Variants in TMEM179B observed in about 807,000 individuals in gnomAD.
TMEM179B encodes transmembrane protein 179B.
A neutral mutation model predicts 18.0 loss-of-function variants in TMEM179B; 13 were observed. The observed-to-expected ratio is 0.72, with a 90% CI of 0.47 to 1.15. TMEM179B has a LOEUF of 1.15. Among genes scored for constraint, TMEM179B ranks in the 50% most tolerant of loss-of-function variants. TMEM179B has a pLI of 0.00. For synonymous variants in TMEM179B, 159 were observed against 117.5 expected, an observed-to-expected ratio of 1.35 and a Z score of -2.29; for missense variants, 320 against 270.6, an observed-to-expected ratio of 1.18 and a Z score of -1.28.
rs2084342339 is a variant in TMEM179B, at chr11:62,790,146, C to CAA, written c.*99_*100insAA. On this transcript the variant is annotated 3_prime_UTR_variant, in exon 5 of 5. Coordinates refer to ENST00000333449, the MANE Select transcript of TMEM179B (RefSeq NM_199337.3). Reference sequence around the variant, plus strand: ...GTTTATGTTGGGAGTCTTAGTTTTCCTTTCGTTGGGGGGTGGGGGGGAAAC... The same window carrying CAA: ...GTTTATGTTGGGAGTCTTAGTTTTCCAATTTCGTTGGGGGGTGGGGGGGAAAC... 8.6e-7 allele frequency: 1 copy of CAA among 1,160,094 alleles called. No homozygotes were observed. The highest frequency in any genetic ancestry group is 3.2e-5 in the Admixed American group (1 of 30,994). The allele number at this position is 1,160,094 out of a possible 1,614,324, so 71.9% of individuals were successfully genotyped here.
rs116023645 is a variant in TMEM179B, at chr11:62,787,601, C to G, written c.96+74C>G. ...GACATGGCGAGGCCACTTTCGCTTT[C>G]CGACCGGGCTTGCTGCTGCTCGGAG... On this transcript the variant is annotated intron_variant, in intron 1 of 4. Coordinates refer to ENST00000333449, the MANE Select transcript of TMEM179B (RefSeq NM_199337.3). 60 of 1,437,096 alleles carry G rather than the reference C, an allele frequency of 4.2e-5. No homozygotes were observed. The African/African-American group carries it at 7.4e-4, about 18-fold the overall frequency. The allele number at this position is 1,437,096 out of a possible 1,614,324, so 89.0% of individuals were successfully genotyped here. A position where few individuals can be genotyped will look rare whatever the true frequency, so the allele number is the denominator to read the frequency against.
At chr11:62,789,271 G>A in intron 2 of TMEM179B, 21 bp from the exon 3 acceptor site, 1 of 1,614,092 alleles carries the variant, frequency 6.2e-7, no homozygotes, top group Non-Finnish European at 8.5e-7. Flanking sequence ...TCCACCACAA[G>A]GCTTGTTCTC....
rs1043067404 is a variant in TMEM179B, at chr11:62,790,351, G to A, written c.*304G>A. The A allele has an allele frequency of 2.9e-5, 16 of 547,510 alleles. No individual in the cohort carries two copies. The highest frequency in any genetic ancestry group is 2.8e-4 in the African/African-American group (15 of 52,762). The allele number at this position is 547,510 out of a possible 1,614,324, so 33.9% of individuals were successfully genotyped here. On this transcript the variant is annotated 3_prime_UTR_variant, in exon 5 of 5. Coordinates refer to ENST00000333449, the MANE Select transcript of TMEM179B (RefSeq NM_199337.3). ...GGTACTGTTAGGCAGCTGCCCTAGG[G>A]ATGACTGCTCCTTTATTTGTTGTTA... is the stretch of plus-strand genomic sequence containing the variant.
At chr11:62,789,709 A>T in intron 4 of TMEM179B, 30 bp downstream of exon 4, 1 of 1,526,834 alleles carries the variant, frequency 6.5e-7, no homozygotes, top group Non-Finnish European at 8.8e-7. Context: ...GGAAAAACTG[A>T]CATAAATATC....
At chr11:62,787,690 C>A (rs2084303912) in intron 1 of TMEM179B, 163 bp downstream of exon 1, 1 of 898,510 alleles carries the variant, frequency 1.1e-6, no homozygotes, top group Non-Finnish European at 1.6e-6. Context: ...AGGCTAATCG[C>A]GCTTTGTGGC....
Position 62,789,180 on chromosome 11 carries a change from T to G in TMEM179B, c.254T>G (p.Ile85Ser). Residue 85 changes from isoleucine to serine, a missense_variant, in exon 2 of 5, where the codon ATC (isoleucine) becomes AGC (serine). By Grantham distance (142) the Ile-to-Ser change is moderately radical. Transcript: ENST00000333449. ...TGCCTCCTGCTTTTGCTCTTCTGGA[T>G]CTACAGCAGCTGCATCGAGGACTCC... is the stretch of plus-strand genomic sequence containing the variant. ...LYCLLLLLFW[I>S]YSSCIEDSHR... 1.2e-6 allele frequency: 2 copies of G among 1,614,204 alleles called. No individual in the cohort carries two copies. The highest frequency in any genetic ancestry group is 1.7e-6 in the Non-Finnish European group (2 of 1,180,032).
Position 62,787,628 on chromosome 11 carries a change from CG to C in TMEM179B, c.96+103del, listed in dbSNP as rs202016890. 1.5e-3 allele frequency: 2,021 copies of C among 1,384,444 alleles called. 43 individuals are homozygous for C. The Admixed American group carries it at 0.051, about 35-fold the overall frequency. The allele number at this position is 1,384,444 out of a possible 1,614,324, so 85.8% of individuals were successfully genotyped here. A position where few individuals can be genotyped will look rare whatever the true frequency, so the allele number is the denominator to read the frequency against. ...GACCGGGCTTGCTGCTGCTCGGAGC[CG>C]GTGGACCTGGTGAGGCACGGCTGGC... is the stretch of plus-strand genomic sequence containing the variant. On this transcript the variant is annotated intron_variant, in intron 1 of 4. Transcript: ENST00000333449.
intron 1 of TMEM179B, chr11:62,787,996 A>G (rs1185746363): frequency 6.5e-6 from 3 of 463,022 alleles, no homozygotes; most frequent in African/African-American, 5.9e-5. Context: ...ACGTAAAGGT[A>G]GAAGCCAATA....
chr11:62,788,760 A>G (rs1411804101), intron 1 of TMEM179B, among the ~76,000 whole-genome samples: 2 of 151,736 alleles, frequency 1.3e-5, no homozygotes, highest in East Asian at 1.9e-4. Flanking sequence ...GTTTCTGCAC[A>G]GAGACCATAA....
Position 62,787,435 on chromosome 11 carries a change from G to T in TMEM179B, c.4G>T (p.Ala2Ser), listed in dbSNP as rs374217510. 21 of 1,565,804 alleles carry T rather than the reference G, an allele frequency of 1.3e-5. No individual in the cohort carries two copies. The Middle Eastern group carries it at 6.8e-4, about 51-fold the overall frequency. The change falls in exon 1 of 5, where the codon GCG becomes TCG. Residue 2 changes from alanine (A) to serine (S), a missense_variant. Transcript: ENST00000333449. ...GCTTCCTGGTGGTCAGGGCGCCATG[G>T]CGCTGTCCTGGCTGCAGCGCGTCGA... M[A>S]LSWLQRVELA...
Position 62,790,208 on chromosome 11 carries a change from G to GT in TMEM179B, c.*166dup. The GT allele has an allele frequency of 2.6e-6, 2 of 770,032 alleles. No individual in the cohort carries two copies. The highest frequency in any genetic ancestry group is 5.6e-5 in the East Asian group (2 of 35,606). The allele number at this position is 770,032 out of a possible 1,614,324, so 47.7% of individuals were successfully genotyped here. On this transcript the variant is annotated 3_prime_UTR_variant, in exon 5 of 5. Coordinates refer to ENST00000333449, the MANE Select transcript of TMEM179B (RefSeq NM_199337.3). ...CCCCCCTCCACCTCTTCCTGCAGCTGTTTTTGTACCAAAATATTATATTAC... is the reference window on the plus strand; with the variant it reads ...CCCCCCTCCACCTCTTCCTGCAGCTGTTTTTTGTACCAAAATATTATATTAC...
rs751697259 is a variant in TMEM179B, at chr11:62,789,431, T to C, written c.419+5T>C. 6 of 1,613,626 alleles carry C rather than the reference T, an allele frequency of 3.7e-6. No individual in the cohort carries two copies. In the African/African-American group the frequency reaches 8.0e-5, roughly 22 times the overall value. On this transcript the variant is annotated splice_donor_5th_base_variant and intron_variant, in intron 3 of 4. Coordinates refer to ENST00000333449, the MANE Select transcript of TMEM179B (RefSeq NM_199337.3). ...CTCCTTGAACACTACAATTAGGTAA[T>C]GGGAGAGGGAGGGAAGCCTGGCTGG...
chr11:62,788,046 A>C (rs1452706546), intron 1 of TMEM179B: 1 of 455,194 alleles, frequency 2.2e-6, no homozygotes, highest in East Asian at 7.0e-5. Flanking sequence ...CTGGTTAATA[A>C]ACATGGGTTC....
At chr11:62,788,708 G>C (rs1471871029) in intron 1 of TMEM179B, among the ~76,000 whole-genome samples, 1 of 148,492 alleles carries the variant, frequency 6.7e-6, no homozygotes, top group African/African-American at 2.5e-5. Context: ...CTCACAGATA[G>C]TTATTTGTTG....
At chr11:62,789,544 G>A (rs903697174) in intron 3 of TMEM179B, 57 bp from the exon 4 acceptor site, 3 of 1,565,250 alleles carry the variant, frequency 1.9e-6, no homozygotes, top group Non-Finnish European at 2.6e-6. Context: ...CTGGGCACAG[G>A]TGTGCCTCGG....
At chr11:62,789,238 G>T (rs2084329374) in intron 2 of TMEM179B, 28 bp downstream of exon 2, 1 of 1,613,796 alleles carries the variant, frequency 6.2e-7, no homozygotes. Context: ...AGGGCCAGGG[G>T]CTGAGGTAGG....
At chr11:62,789,531 G>A (rs898636781) in intron 3 of TMEM179B, 70 bp from the exon 4 acceptor site, 22 of 1,580,060 alleles carry the variant, frequency 1.4e-5, no homozygotes, top group Non-Finnish European at 1.9e-5. Flanking sequence ...AACTCACAGG[G>A]CACTGGGCAC....
In TMEM179B at chr11:62,790,381, A is replaced by G. The variant is rs114389564; in HGVS notation, c.*334A>G. The G allele has an allele frequency of 3.3e-3, 1,820 of 558,920 alleles. 22 individuals are homozygous for G. The highest frequency in any genetic ancestry group is 0.032 in the African/African-American group (1,715 of 52,880). 34.6% of individuals were successfully genotyped at this position (558,920 alleles called of 1,614,324 possible). A position where few individuals can be genotyped will look rare whatever the true frequency, so the allele number is the denominator to read the frequency against. ...CTGCTCCTTTATTTGTTGTTAATGA[A>G]TCTTGACCTCCTTGTGTGACCCTGG... On this transcript the variant is annotated 3_prime_UTR_variant, in exon 5 of 5. Coordinates refer to ENST00000333449, the MANE Select transcript of TMEM179B (RefSeq NM_199337.3).
chr11:62,789,886 A>G lies in TMEM179B; in HGVS notation c.499A>G (p.Thr167Ala). Residue 167 changes from threonine (T) to alanine (A), a missense_variant and splice_region_variant, in exon 5 of 5, where the codon ACC (threonine) becomes GCC (alanine). Thr to Ala is a moderately conservative substitution (Grantham distance 58). Transcript: ENST00000333449. ...ACGATCCTGTCCCTGTCTCCTACAG[A>G]CCTCTTCTTGGGTGAATTTGGTATT... is the stretch of plus-strand genomic sequence containing the variant. ...QFYSNLHNAE[T>A]SSWVNLVLWC... 3 of 1,612,652 alleles carry G rather than the reference A, an allele frequency of 1.9e-6. No homozygotes were observed. Among genetic ancestry groups the G allele is most frequent in the Non-Finnish European group, 2.5e-6 (3 of 1,179,366 alleles).
Sources: gnomAD v4.1 joint callset for allele counts (sites outside exome capture counted in the v4.1 genomes callset) on GRCh38, gnomAD v4.1.1 for gene constraint, MANE v1.5 for transcripts, NCBI Gene and HGNC (gene_info 2026-07-23, HGNC 2026-07-21) for gene names.